The following PCSK5 variants were observed in gnomAD, a reference collection of about 807,000 sequenced individuals.
PCSK5 encodes prohormone convertase 5.
PCSK5 carries 129 observed loss-of-function variants against 233.2 expected under a neutral mutation model. The observed-to-expected ratio is 0.55, with a 90% CI of 0.48 to 0.64. PCSK5 has a LOEUF of 0.64. Among genes scored for constraint, PCSK5 ranks in the 30% least tolerant of loss-of-function variants. PCSK5 has a pLI of 0.00. For missense variants in PCSK5, 2,076 were observed against 2,430.1 expected, an observed-to-expected ratio of 0.85 and a Z score of 3.06; for synonymous variants, 825 against 879.2, an observed-to-expected ratio of 0.94 and a Z score of 1.09.
At chr9:76,140,227 A>T (rs551945945) in intron 10 of PCSK5, among the ~76,000 whole-genome samples, 2 of 152,224 alleles carry the variant, frequency 1.3e-5, no homozygotes, top group East Asian at 1.9e-4. Flanking sequence ...TCTATACAAG[A>T]TGTAATTAGT....
At chr9:76,344,803 G>A (rs577513504) in intron 35 of PCSK5, among the ~76,000 whole-genome samples, 13 of 152,246 alleles carry the variant, frequency 8.5e-5, no homozygotes, top group African/African-American at 2.4e-4. Flanking sequence ...AGTGGGCGGC[G>A]CAGTGCAGTG....
chr9:76,335,135 T>G (rs1056654519), intron 34 of PCSK5, among the ~76,000 whole-genome samples: 1 of 152,310 alleles, frequency 6.6e-6, no homozygotes, highest in Non-Finnish European at 1.5e-5. Flanking sequence ...TTAGCCCTTC[T>G]GCATCACCCT....
At chr9:76,204,371 CAT>C (rs1825028945) in intron 20 of PCSK5, among the ~76,000 whole-genome samples, 1 of 152,170 alleles carries the variant, frequency 6.6e-6, no homozygotes, top group African/African-American at 2.4e-5. Context: ...GATCCATTAA[CAT>C]GTCCTGCGAA....
In PCSK5 at chr9:76,175,291, C is replaced by CGAATAGAATAGAATA. The variant is rs55947300; in HGVS notation, c.1900+171_1900+185dup. The CGAATAGAATAGAATA allele has an allele frequency of 1.3e-3, 697 of 526,592 alleles. 2 individuals are homozygous for CGAATAGAATAGAATA. The highest frequency in any genetic ancestry group is 3.6e-3 in the Middle Eastern group (9 of 2,482). 32.6% of individuals were successfully genotyped at this position (526,592 alleles called of 1,614,324 possible). A position where few individuals can be genotyped will look rare whatever the true frequency, so the allele number is the denominator to read the frequency against. On this transcript the variant is annotated intron_variant, in intron 14 of 37. Coordinates refer to ENST00000674117, the MANE Select transcript of PCSK5 (RefSeq NM_001372043.1). ...GGAATGGAATCGAATCGAATCGAAT[C>CGAATAGAATAGAATA]GAATAGAATAGAATAGAATAGAACA...
Position 76,222,630 on chromosome 9 carries a change from CAT to C in PCSK5, c.2627-4871_2627-4870del, listed in dbSNP as rs538767730. On this transcript the variant is annotated intron_variant, in intron 20 of 37. Coordinates refer to ENST00000674117, the MANE Select transcript of PCSK5 (RefSeq NM_001372043.1). ...TTTGTGACTGGCTTATTTCATTTAG[CAT>C]AGTGTCTTCAAGGTTCATCCATGTT... Among the ~76,000 whole-genome samples, 17 of 152,252 alleles carry C rather than the reference CAT, an allele frequency of 1.1e-4. No individual in the cohort carries two copies. In the East Asian group the frequency reaches 3.3e-3, roughly 29 times the overall value.
chr9:76,088,220 C>G (rs113389999), intron 7 of PCSK5, among the ~76,000 whole-genome samples: 61 of 152,314 alleles, frequency 4.0e-4, no homozygotes, highest in African/African-American at 1.4e-3. Context: ...GCTGGAAGTG[C>G]TGGACATCAG....
chr9:75,963,907 A>G (rs1042920976), intron 2 of PCSK5, among the ~76,000 whole-genome samples: 1 of 152,192 alleles, frequency 6.6e-6, no homozygotes, highest in African/African-American at 2.4e-5. Flanking sequence ...AAAAAAATTC[A>G]GTCACCGTAT....
At chr9:76,039,651 G>A (rs1210807863) in intron 5 of PCSK5, among the ~76,000 whole-genome samples, 1 of 152,200 alleles carries the variant, frequency 6.6e-6, no homozygotes, top group Non-Finnish European at 1.5e-5. Flanking sequence ...CTACATGTTT[G>A]TACTTGAAAA....
intron 21 of PCSK5, among the ~76,000 whole-genome samples, chr9:76,233,031 C>T (rs1291417023): frequency 2.6e-5 from 4 of 152,230 alleles, no homozygotes; most frequent in Admixed American, 2.6e-4. Context: ...TTGGAGCTGA[C>T]ATTTCCCTTG....
intron 3 of PCSK5, among the ~76,000 whole-genome samples, chr9:75,993,884 G>A (rs1055561831): frequency 1.3e-5 from 2 of 152,152 alleles, no homozygotes; most frequent in Non-Finnish European, 2.9e-5. Flanking sequence ...CCAGTATTAG[G>A]AGTCTCATAG....
rs557895128 is a variant in PCSK5, at chr9:75,914,517, T to C, written c.193-17862T>C. On this transcript the variant is annotated intron_variant, in intron 1 of 37. Coordinates refer to ENST00000674117, the MANE Select transcript of PCSK5 (RefSeq NM_001372043.1). ...CCAATGACCTAAAACCCAATGACCATTGGGTTTTAGAGTTGGGAGCAAGAA... is the reference window on the plus strand; with the variant it reads ...CCAATGACCTAAAACCCAATGACCACTGGGTTTTAGAGTTGGGAGCAAGAA... 5.9e-5 allele frequency among the ~76,000 whole-genome samples: 9 copies of C among 152,080 alleles called. No homozygotes were observed. The East Asian group carries it at 1.2e-3, about 20-fold the overall frequency.
intron 10 of PCSK5, among the ~76,000 whole-genome samples, chr9:76,156,095 G>A (rs545584145): frequency 1.4e-4 from 22 of 152,308 alleles, no homozygotes; most frequent in African/African-American, 5.1e-4. Context: ...TTCATGTGAT[G>A]ATAATAAAAA....
At chr9:75,897,763 C>T (rs575708837) in intron 1 of PCSK5, among the ~76,000 whole-genome samples, 2 of 152,050 alleles carry the variant, frequency 1.3e-5, no homozygotes, top group Non-Finnish European at 2.9e-5. Flanking sequence ...TAAGGGATTA[C>T]AGGTGTGAGC....
At chr9:76,079,278 A>G (rs541593808) in intron 7 of PCSK5, among the ~76,000 whole-genome samples, 15 of 150,910 alleles carry the variant, frequency 9.9e-5, no homozygotes, top group African/African-American at 3.6e-4. Context: ...TAATTTTTGT[A>G]TTTTTAGTAG....
intron 30 of PCSK5, among the ~76,000 whole-genome samples, chr9:76,315,641 AC>A (rs141831291): frequency 0.023 from 3,224 of 139,048 alleles, 54 homozygotes; most frequent in African/African-American, 0.035. Flanking sequence ...GGAGAAGACT[AC>A]TTTTTTTTTT....
intron 1 of PCSK5, among the ~76,000 whole-genome samples, chr9:75,924,148 C>T (rs1477194829): frequency 6.6e-6 from 1 of 152,114 alleles, no homozygotes; most frequent in Non-Finnish European, 1.5e-5. Flanking sequence ...CACATACCTG[C>T]ATTTCATAGA....
chr9:76,302,074 T>G, intron 27 of PCSK5, 63 bp from the exon 28 acceptor site: 1 of 762,854 alleles, frequency 1.3e-6, no homozygotes, highest in Non-Finnish European at 1.9e-6. Context: ...ATAGGTGAAG[T>G]TTATCTTCTT....
chr9:76,130,407 G>A (rs1260994181), intron 9 of PCSK5, among the ~76,000 whole-genome samples: 1 of 152,134 alleles, frequency 6.6e-6, no homozygotes. Flanking sequence ...GTGATTGATA[G>A]CATAAGTTAT....
intron 5 of PCSK5, among the ~76,000 whole-genome samples, chr9:76,044,567 A>C (rs961421641): frequency 6.6e-6 from 1 of 152,228 alleles, no homozygotes; most frequent in Non-Finnish European, 1.5e-5. Flanking sequence ...TTCTGTGAGC[A>C]TTACAGATCA....
Sources: allele counts gnomAD v4.1 joint callset (sites outside exome capture counted in the v4.1 genomes callset), GRCh38; gene constraint gnomAD v4.1.1; transcripts MANE v1.5; gene names NCBI Gene and HGNC (gene_info 2026-07-23, HGNC 2026-07-21).